CADPS2: variants seen among roughly 807,000 people sequenced by gnomAD.
The protein encoded by CADPS2 is calcium dependent secretion activator 2.
A neutral mutation model predicts 172.5 loss-of-function variants in CADPS2; 93 were observed. The observed-to-expected ratio is 0.54, with a 90% CI of 0.46 to 0.64. CADPS2 has a LOEUF of 0.64. Among genes scored for constraint, CADPS2 ranks in the 30% least tolerant of loss-of-function variants. The probability of loss-of-function intolerance (pLI) is 0.00; values close to 1 mark genes in which losing one functional copy is unlikely to be tolerated. For synonymous variants in CADPS2, 546 were observed against 555.2 expected (o/e 0.98, Z 0.23); for missense variants, 1,420 against 1,565.9 (o/e 0.91, Z 1.57).
rs759335744 is a variant in CADPS2 at position 122,379,425 on chromosome 7, T to A, written c.3330A>T (p.Lys1110Asn). The A allele has an allele frequency of 6.2e-7, 1 of 1,603,134 alleles. No individual in the cohort carries two copies. Among genetic ancestry groups the A allele is most frequent in the African/African-American group, 1.3e-5 (1 of 74,682 alleles). Residue 1110 changes from lysine (K) to asparagine (N), a missense_variant, in exon 25 of 30, where the codon AAA becomes AAT. Transcript: ENST00000449022. ...DGGQEQQYHS[K>N]IDDLIDNSVK... Reference sequence around the variant, plus strand: ...CACTGTTGTCGATCAGATCATCTATTTTTGAATGGTACTGTTGCTAGATAT... The same window carrying A: ...CACTGTTGTCGATCAGATCATCTATATTTGAATGGTACTGTTGCTAGATAT...
chr7:122,771,968 A>G (rs752023735), intron 1 of CADPS2, among the ~76,000 whole-genome samples: 24 of 152,204 alleles, frequency 1.6e-4, no homozygotes, highest in Non-Finnish European at 3.1e-4. Flanking sequence ...ACAACTTAGG[A>G]GACAGTTCCA....
At chr7:122,345,914 A>AT (rs2037542523) in intron 27 of CADPS2, among the ~76,000 whole-genome samples, 1 of 70,234 alleles carries the variant, frequency 1.4e-5, no homozygotes, top group Non-Finnish European at 2.6e-5. Flanking sequence ...AGATCCGTAG[A>AT]TATCTTTTTT....
intron 2 of CADPS2, among the ~76,000 whole-genome samples, chr7:122,700,394 A>C (rs933819076): frequency 6.6e-6 from 1 of 152,192 alleles, no homozygotes; most frequent in Non-Finnish European, 1.5e-5. Context: ...CTGATGATAT[A>C]AAACATACCC....
chr7:122,371,298 A>G (rs545872244), intron 25 of CADPS2, among the ~76,000 whole-genome samples: 1 of 152,328 alleles, frequency 6.6e-6, no homozygotes, highest in Admixed American at 6.5e-5. Flanking sequence ...TAATTTATAA[A>G]GGCAAGAAGT....
intron 28 of CADPS2, among the ~76,000 whole-genome samples, chr7:122,338,461 A>G (rs1326593829): frequency 2.0e-5 from 3 of 152,172 alleles, no homozygotes; most frequent in Admixed American, 2.0e-4. Flanking sequence ...CAAGTACCTC[A>G]CTGTACTCAT....
intron 25 of CADPS2, among the ~76,000 whole-genome samples, chr7:122,368,892 C>T (rs2151232716): frequency 6.6e-6 from 1 of 152,130 alleles, no homozygotes; most frequent in African/African-American, 2.4e-5. Context: ...CCAATACCCC[C>T]ACTTTTTTTG....
At chr7:122,807,505 A>G (rs1426738711) in intron 1 of CADPS2, among the ~76,000 whole-genome samples, 2 of 152,224 alleles carry the variant, frequency 1.3e-5, no homozygotes, top group South Asian at 2.1e-4. Flanking sequence ...AATGTCTACA[A>G]TGAGGTCTGA....
chr7:122,623,315 C>G (rs1033135096), intron 4 of CADPS2, among the ~76,000 whole-genome samples: 1 of 151,856 alleles, frequency 6.6e-6, no homozygotes, highest in South Asian at 2.1e-4. Flanking sequence ...CAAAATGATC[C>G]ATAAAAAACA....
At chr7:122,377,554 T>C (rs1337728939) in intron 25 of CADPS2, among the ~76,000 whole-genome samples, 4 of 152,166 alleles carry the variant, frequency 2.6e-5, no homozygotes, top group Non-Finnish European at 5.9e-5. Context: ...GGGTTGGTTA[T>C]ATCTGGATAA....
chr7:122,410,452 T>C (rs1382421763), intron 19 of CADPS2, among the ~76,000 whole-genome samples: 1 of 151,564 alleles, frequency 6.6e-6, no homozygotes, highest in Non-Finnish European at 1.5e-5. Context: ...CCTTTTTTTT[T>C]TTTTTTTGTA....
chr7:122,705,954 A>T lies in CADPS2; in HGVS notation c.453+31001T>A, dbSNP rs1251832023. ...AATATATTATATAATATAATATATA[A>T]TATATATATAATATAATATAATATA... is the stretch of plus-strand genomic sequence containing the variant. On this transcript the variant is annotated intron_variant, in intron 2 of 29. Transcript: ENST00000449022. 5.4e-3 allele frequency among the ~76,000 whole-genome samples: 2 copies of T among 372 alleles called. 1 individual carries two copies. Among genetic ancestry groups the T allele is most frequent in the African/African-American group, 5.9e-3 (2 of 338 alleles). 0.2% of individuals were successfully genotyped at this position (372 alleles called of 152,430 possible). A position where few individuals can be genotyped will look rare whatever the true frequency, so the allele number is the denominator to read the frequency against.
chr7:122,708,533 ATAT>A (rs2088031210), intron 2 of CADPS2, among the ~76,000 whole-genome samples: 1 of 2,468 alleles, frequency 4.1e-4, no homozygotes, highest in Non-Finnish European at 8.7e-4. Context: ...ATATATATAT[ATAT>A]ATATATATAT....
chr7:122,327,035 T>C (rs2034007124), intron 28 of CADPS2, among the ~76,000 whole-genome samples: 1 of 152,082 alleles, frequency 6.6e-6, no homozygotes. Context: ...TTCCTGTATC[T>C]AATTTTGCTC....
intron 3 of CADPS2, among the ~76,000 whole-genome samples, chr7:122,629,763 T>G (rs1437761999): frequency 6.6e-6 from 1 of 152,158 alleles, no homozygotes; most frequent in Non-Finnish European, 1.5e-5. Flanking sequence ...AAAAGTACTC[T>G]TTGATTGACT....
At chr7:122,344,540 A>C (rs895675036) in intron 28 of CADPS2, among the ~76,000 whole-genome samples, 1 of 152,200 alleles carries the variant, frequency 6.6e-6, no homozygotes, top group African/African-American at 2.4e-5. Context: ...AGTGCTGATA[A>C]AACTGTAATA....
At chr7:122,837,981 G>T (rs1300838541) in intron 1 of CADPS2, among the ~76,000 whole-genome samples, 1 of 151,922 alleles carries the variant, frequency 6.6e-6, no homozygotes, top group East Asian at 1.9e-4. Flanking sequence ...AACAAAAAAA[G>T]AGAATTTTAG....
intron 2 of CADPS2, among the ~76,000 whole-genome samples, chr7:122,732,426 T>C (rs544888269): frequency 1.3e-5 from 2 of 150,628 alleles, no homozygotes; most frequent in South Asian, 4.2e-4. Context: ...ATTCAAGAAA[T>C]AGCAATCATA....
At chr7:122,638,587 G>C (rs893534532) in intron 3 of CADPS2, among the ~76,000 whole-genome samples, 1 of 152,176 alleles carries the variant, frequency 6.6e-6, no homozygotes, top group Non-Finnish European at 1.5e-5. Context: ...AGGGCCTGGG[G>C]GGGTCCCCAC....
intron 7 of CADPS2, among the ~76,000 whole-genome samples, chr7:122,572,296 A>T (rs748966019): frequency 7.2e-5 from 11 of 152,178 alleles, no homozygotes; most frequent in Non-Finnish European, 1.3e-4. Flanking sequence ...TTAAAATCAC[A>T]GAAAAGTTAT....
Sources: gnomAD v4.1 joint callset for allele counts (sites outside exome capture counted in the v4.1 genomes callset) on GRCh38, gnomAD v4.1.1 for gene constraint, MANE v1.5 for transcripts, NCBI Gene and HGNC (gene_info 2026-07-23, HGNC 2026-07-21) for gene names.